The following C1orf105 variants were observed in gnomAD, a reference collection of about 807,000 sequenced individuals.
C1orf105 encodes the protein chromosome 1 open reading frame 105, also known as uncharacterized protein C1orf105.
Under a neutral mutation model 20.8 loss-of-function variants are expected in C1orf105, and 17 were observed. The observed-to-expected ratio is 0.82, with a 90% confidence interval of 0.56 to 1.23. C1orf105 has a LOEUF of 1.23. Ranked by LOEUF, C1orf105 falls within the 50% of genes most tolerant of loss-of-function variation. The pLI is 0.00. For missense variants in C1orf105, 219 were observed against 213.5 expected (o/e 1.03, Z -0.16); for synonymous variants, 72 against 72.1 (o/e 1.00, Z 0.01).
At chr1:172,449,626 T>TGCACACA (rs1341919653) in intron 3 of C1orf105, among the ~76,000 whole-genome samples, 1 of 152,118 alleles carries the variant, frequency 6.6e-6, no homozygotes, top group Non-Finnish European at 1.5e-5. Context: ...GCCCAGCTAA[T>TGCACACA]GCACACAGGG....
chr1:172,447,863 T>C (rs570232800), intron 2 of C1orf105, among the ~76,000 whole-genome samples: 16 of 152,318 alleles, frequency 1.1e-4, no homozygotes, highest in African/African-American at 3.6e-4. Context: ...TACACTGTAA[T>C]GAAATGAACC....
chr1:172,431,607 A>G (rs1573833655), intron 1 of C1orf105, among the ~76,000 whole-genome samples: 1 of 152,240 alleles, frequency 6.6e-6, no homozygotes, highest in South Asian at 2.1e-4. Flanking sequence ...AAGAACATTG[A>G]TGCAGGCTTC....
At chr1:172,422,904 G>A (rs2071627271) in intron 1 of C1orf105, among the ~76,000 whole-genome samples, 1 of 152,152 alleles carries the variant, frequency 6.6e-6, no homozygotes, top group South Asian at 2.1e-4. Flanking sequence ...CCTTTGCCTG[G>A]GGAAGAGCAG....
chr1:172,441,959 C>G (rs1363968507), intron 1 of C1orf105: 1 of 1,614,072 alleles, frequency 6.2e-7, no homozygotes, highest in Admixed American at 1.7e-5. Flanking sequence ...GGAGTACATG[C>G]CTTTAGTTTC....
intron 3 of C1orf105, among the ~76,000 whole-genome samples, chr1:172,456,068 C>A (rs574295370): frequency 6.6e-6 from 1 of 152,232 alleles, no homozygotes; most frequent in Admixed American, 6.5e-5. Flanking sequence ...GAGAATGCAA[C>A]CCCTCAGACA....
At chr1:172,452,946 C>T (rs1373099200) in intron 3 of C1orf105, 9 of 1,536,450 alleles carry the variant, frequency 5.9e-6, no homozygotes, top group East Asian at 2.5e-5. Flanking sequence ...GTAAGGAAAC[C>T]GAGTGAGAAG....
intron 1 of C1orf105, among the ~76,000 whole-genome samples, chr1:172,423,149 C>G (rs1223777875): frequency 6.6e-6 from 1 of 152,158 alleles, no homozygotes; most frequent in African/African-American, 2.4e-5. Flanking sequence ...ATGGTAGCCA[C>G]GTAATAGTTA....
At chr1:172,442,124 CAT>C (rs765919644) in intron 1 of C1orf105, 3 of 1,614,012 alleles carry the variant, frequency 1.9e-6, no homozygotes, top group South Asian at 1.1e-5. Flanking sequence ...GCATTGGCAC[CAT>C]AGTCAAAAAA....
intron 4 of C1orf105, among the ~76,000 whole-genome samples, chr1:172,459,029 G>A (rs1355801224): frequency 6.6e-6 from 1 of 152,030 alleles, no homozygotes; most frequent in Admixed American, 6.6e-5. Context: ...CTCACACCAT[G>A]TACAAAAATA....
chr1:172,453,346 C>T (rs1306911070), intron 3 of C1orf105, among the ~76,000 whole-genome samples: 1 of 152,142 alleles, frequency 6.6e-6, no homozygotes, highest in African/African-American at 2.4e-5. Flanking sequence ...CAAAAGTCAC[C>T]CAAGTTGTTT....
intron 1 of C1orf105, chr1:172,431,311 T>G: frequency 2.4e-6 from 1 of 416,850 alleles, no homozygotes; most frequent in Non-Finnish European, 4.2e-6. Flanking sequence ...GATAAGAAAC[T>G]AAAAGAGCCT....
intron 3 of C1orf105, among the ~76,000 whole-genome samples, chr1:172,450,869 C>CA (rs772813413): frequency 1.4e-4 from 22 of 152,028 alleles, no homozygotes; most frequent in Non-Finnish European, 2.6e-4. Flanking sequence ...AGATGAGGGA[C>CA]AAAAAACACA....
At chr1:172,438,475 A>G (rs1413057190) in intron 1 of C1orf105, among the ~76,000 whole-genome samples, 1 of 152,228 alleles carries the variant, frequency 6.6e-6, no homozygotes, top group Non-Finnish European at 1.5e-5. Context: ...GAGAACTAGA[A>G]GTGGTGTGTA....
intron 1 of C1orf105, among the ~76,000 whole-genome samples, chr1:172,427,507 G>C (rs1464698954): frequency 6.6e-6 from 1 of 152,072 alleles, no homozygotes; most frequent in East Asian, 1.9e-4. Context: ...CTATAAAGCT[G>C]TCTATACTTG....
intron 1 of C1orf105, among the ~76,000 whole-genome samples, chr1:172,434,031 A>T (rs1031311306): frequency 6.6e-6 from 1 of 152,242 alleles, no homozygotes; most frequent in Non-Finnish European, 1.5e-5. Flanking sequence ...TGGTAAGGGG[A>T]TCAATTCAAC....
intron 1 of C1orf105, among the ~76,000 whole-genome samples, chr1:172,437,256 A>C (rs2072067722): frequency 6.6e-6 from 1 of 152,182 alleles, no homozygotes; most frequent in South Asian, 2.1e-4. Flanking sequence ...AAGGATTATA[A>C]ATCATGCTAC....
rs767529715 is a variant in C1orf105 at position 172,442,539 on chromosome 1, A to C, written c.22-2534A>C. ...GCTCTTCCAGGAATCGCCGGTCCACATAGTTATCAGGAAAGGGCTGTCGCT... is the reference window on the plus strand; with the variant it reads ...GCTCTTCCAGGAATCGCCGGTCCACCTAGTTATCAGGAAAGGGCTGTCGCT... On this transcript the variant is annotated intron_variant, in intron 1 of 6. Coordinates refer to ENST00000367727, the MANE Select transcript of C1orf105 (RefSeq NM_139240.4). The C allele has an allele frequency of 3.1e-6, 5 of 1,614,180 alleles. No homozygotes were observed. In the South Asian group the frequency reaches 3.3e-5, roughly 11 times the overall value.
intron 6 of C1orf105, among the ~76,000 whole-genome samples, chr1:172,465,846 C>T (rs1392298463): frequency 1.3e-5 from 2 of 152,186 alleles, no homozygotes; most frequent in Non-Finnish European, 2.9e-5. Context: ...TTGATAGAAA[C>T]AAGGAAAGCA....
intron 1 of C1orf105, 32 bp from the exon 2 acceptor site, chr1:172,445,041 T>C (rs2149173091): frequency 1.9e-6 from 3 of 1,551,126 alleles, no homozygotes; most frequent in Non-Finnish European, 2.7e-6. Context: ...AAGTGTGATA[T>C]ATTCTGTAAA....
Sources: gnomAD v4.1 joint callset for allele counts (sites outside exome capture counted in the v4.1 genomes callset) on GRCh38, gnomAD v4.1.1 for gene constraint, MANE v1.5 for transcripts, NCBI Gene and HGNC (gene_info 2026-07-23, HGNC 2026-07-21) for gene names.